Variants in SYPL2 observed in about 807,000 individuals in gnomAD.
The protein encoded by SYPL2 is synaptophysin like 2, also known as synaptophysin-like protein 2.
A neutral mutation model predicts 31.3 loss-of-function variants in SYPL2; 24 were observed. That is an observed-to-expected ratio of 0.77 (90% CI 0.56 to 1.08). SYPL2 has a LOEUF of 1.08. SYPL2 is among the 50% of genes least tolerant of loss of function. The probability of loss-of-function intolerance (pLI) is 0.00; values close to 1 mark genes in which losing one functional copy is unlikely to be tolerated. For synonymous variants in SYPL2, 144 were observed against 143.1 expected (o/e 1.01, Z -0.05); for missense variants, 342 against 360.1 (o/e 0.95, Z 0.41).
chr1:109,467,974 C>T (rs1655707074), intron 2 of SYPL2, among the ~76,000 whole-genome samples: 1 of 152,164 alleles, frequency 6.6e-6, no homozygotes, highest in Non-Finnish European at 1.5e-5. Flanking sequence ...CAGAATATGG[C>T]CCTAGGTTAG....
In SYPL2 at chr1:109,478,351, G is replaced by A. The variant is rs1474995552; in HGVS notation, c.648+342G>A. On this transcript the variant is annotated intron_variant, in intron 5 of 5. Coordinates refer to ENST00000369872, the MANE Select transcript of SYPL2 (RefSeq NM_001040709.2). This position sits in a 1 kb window ranked among gnomAD's most constrained non-coding sequence, Gnocchi z 4.0. ...ACAATGTGTGTGAACACATAAAGGG[G>A]AGCCTGGGGCTGTGGCTGAGCTTGA... 6.6e-6 allele frequency among the ~76,000 whole-genome samples: 1 copy of A among 152,194 alleles called. No individual in the cohort carries two copies. The highest frequency in any genetic ancestry group is 1.5e-5 in the Non-Finnish European group (1 of 68,032).
intron 2 of SYPL2, among the ~76,000 whole-genome samples, chr1:109,469,500 T>A (rs866270516): frequency 4.7e-4 from 71 of 150,994 alleles, no homozygotes; most frequent in African/African-American, 1.3e-3. Flanking sequence ...AGTTTTTTTT[T>A]AAAAAAGAAA....
At chr1:109,476,219 G>GT (rs1385975995) in intron 3 of SYPL2, among the ~76,000 whole-genome samples, 1 of 152,172 alleles carries the variant, frequency 6.6e-6, no homozygotes, top group Non-Finnish European at 1.5e-5. Context: ...GGGAGCCCAG[G>GT]TGTTCAGGGG....
At chr1:109,472,644 T>C (rs1655870182) in intron 2 of SYPL2, among the ~76,000 whole-genome samples, 1 of 143,070 alleles carries the variant, frequency 7.0e-6, no homozygotes, top group Non-Finnish European at 1.5e-5. Context: ...GGGGGTCTTG[T>C]TCTGTTGCCC....
Position 109,466,767 on chromosome 1 carries a change from C to T in SYPL2, c.-77C>T. On this transcript the variant is annotated 5_prime_UTR_variant, in exon 1 of 6. Coordinates refer to ENST00000369872, the MANE Select transcript of SYPL2 (RefSeq NM_001040709.2). The stretch of plus-strand genomic sequence containing the variant: ...GCTCTGCCCCGGACCTGCAGCTCCC[C>T]GCTCCCCCGCCGTGTCCGCCGCCTC... The T allele has an allele frequency of 4.2e-6, 6 of 1,419,282 alleles. No homozygotes were observed. Among genetic ancestry groups the T allele is most frequent in the African/African-American group, 1.5e-5 (1 of 66,470 alleles). The allele number at this position is 1,419,282 out of a possible 1,614,324, so 87.9% of individuals were successfully genotyped here.
rs781369121 is a variant in SYPL2, at chr1:109,476,796, A to T, written c.275A>T (p.Glu92Val). 1 of 1,614,120 alleles carries T rather than the reference A, an allele frequency of 6.2e-7. No individual in the cohort carries two copies. Among genetic ancestry groups the T allele is most frequent in the South Asian group, 1.1e-5 (1 of 91,068 alleles). The change falls in exon 4 of 6, where the codon GAG (glutamate) becomes GTG (valine). Residue 92 changes from glutamate (E) to valine (V), a missense_variant. Transcript: ENST00000369872. ...TGCAGGTTGCACCGGATCCAATATG[A>T]GATGCCCCTCTGCGATGAAGAGTCC... ...YPFRLHRIQYEMPLCDEESSS... is the reference protein window; with the variant it reads ...YPFRLHRIQYVMPLCDEESSS...
At chr1:109,470,628 C>A (rs1194704817) in intron 2 of SYPL2, among the ~76,000 whole-genome samples, 1 of 152,302 alleles carries the variant, frequency 6.6e-6, no homozygotes, top group African/African-American at 2.4e-5. Context: ...TCTTTATAAC[C>A]AGTTTGCTCA....
intron 2 of SYPL2, chr1:109,475,275 C>T (rs1262161955): frequency 4.1e-6 from 1 of 241,594 alleles, no homozygotes; most frequent in South Asian, 1.3e-4. Context: ...CTTAAGGAGG[C>T]TACCTGTGGT....
Position 109,475,568 on chromosome 1 carries a change from C to T in SYPL2, c.130-13C>T, listed in dbSNP as rs772225862. 6.2e-7 allele frequency: 1 copy of T among 1,612,600 alleles called. No homozygotes were observed. The highest frequency in any genetic ancestry group is 1.1e-5 in the South Asian group (1 of 91,008). On this transcript the variant is annotated splice_polypyrimidine_tract_variant and intron_variant, in intron 2 of 5. Transcript: ENST00000369872. Reference sequence around the variant, plus strand: ...GGCCTTCTGACTCTCAAAGAGGCTTCACTCTCTCTCAGCTCTTTGCTATTT... The same window carrying T: ...GGCCTTCTGACTCTCAAAGAGGCTTTACTCTCTCTCAGCTCTTTGCTATTT...
At chr1:109,477,251 C>T (rs577863594) in intron 4 of SYPL2, among the ~76,000 whole-genome samples, 2 of 152,232 alleles carry the variant, frequency 1.3e-5, no homozygotes, top group South Asian at 2.1e-4. Context: ...CTCTCTAAAT[C>T]GCAGTTTCCT....
rs1320824457 is a variant in SYPL2, at chr1:109,480,872, T to C, written c.*1324T>C. 1.3e-5 allele frequency: 2 copies of C among 152,668 alleles called. No homozygotes were observed. Among genetic ancestry groups the C allele is most frequent in the Non-Finnish European group, 2.9e-5 (2 of 68,076 alleles). The allele number at this position is 152,668 out of a possible 1,614,324, so 9.5% of individuals were successfully genotyped here. On this transcript the variant is annotated 3_prime_UTR_variant, in exon 6 of 6. Coordinates refer to ENST00000369872, the MANE Select transcript of SYPL2 (RefSeq NM_001040709.2). ...TTCCTGATACCTCCTTCAGTCCCTCTCTGGGCCCCAAGGCTGAGAATCAGT... is the reference window on the plus strand; with the variant it reads ...TTCCTGATACCTCCTTCAGTCCCTCCCTGGGCCCCAAGGCTGAGAATCAGT...
At chr1:109,474,361 C>T (rs1200879232) in intron 2 of SYPL2, among the ~76,000 whole-genome samples, 2 of 131,158 alleles carry the variant, frequency 1.5e-5, no homozygotes, top group African/African-American at 6.1e-5. Context: ...GGGAGAGGGA[C>T]AAGGTCTCAT....
chr1:109,476,399 C>G (rs1017454033), intron 3 of SYPL2, among the ~76,000 whole-genome samples: 1 of 152,238 alleles, frequency 6.6e-6, no homozygotes, highest in Non-Finnish European at 1.5e-5. Context: ...CTTGGCCACT[C>G]TGGGCCTGCA....
At chr1:109,475,458 A>C (rs1655965361) in intron 2 of SYPL2, 123 bp from the exon 3 acceptor site, 14 of 1,336,526 alleles carry the variant, frequency 1.0e-5, no homozygotes, top group Non-Finnish European at 1.3e-5. Flanking sequence ...ACTTGATTAA[A>C]GGGGATCCTC....
At chr1:109,473,767 C>T (rs910889955) in intron 2 of SYPL2, among the ~76,000 whole-genome samples, 7 of 151,872 alleles carry the variant, frequency 4.6e-5, no homozygotes, top group African/African-American at 9.7e-5. Flanking sequence ...TGGTGGTGGG[C>T]GCCTATAGTC....
In SYPL2 at chr1:109,480,569, C is replaced by T. The variant is rs955318048; in HGVS notation, c.*1021C>T. 2 of 152,442 alleles carry T rather than the reference C, an allele frequency of 1.3e-5. No homozygotes were observed. The highest frequency in any genetic ancestry group is 1.9e-4 in the East Asian group (1 of 5,200). The allele number at this position is 152,442 out of a possible 1,614,324, so 9.4% of individuals were successfully genotyped here. ...GGCTTAGGAAGGGCCAAAGGACCAT[C>T]ATGAGGCTAAGTTGCCCCAGAGCCC... On this transcript the variant is annotated 3_prime_UTR_variant, in exon 6 of 6. Transcript: ENST00000369872.
intron 2 of SYPL2, among the ~76,000 whole-genome samples, chr1:109,470,723 G>A (rs767805504): frequency 6.6e-6 from 1 of 152,132 alleles, no homozygotes; most frequent in African/African-American, 2.4e-5. Flanking sequence ...CAAAGTTAGG[G>A]AAGAAAGCAA....
In SYPL2 at chr1:109,478,103, A is replaced by C; in HGVS notation, c.648+94A>C. ...CCTGAAAGGAAAGAGAGGGTGTCCC[A>C]GAGCTGGTGTCCCCTGCACCTGGAG... On this transcript the variant is annotated intron_variant, in intron 5 of 5. Coordinates refer to ENST00000369872, the MANE Select transcript of SYPL2 (RefSeq NM_001040709.2). The surrounding 1 kb of genome is among the most constrained non-coding windows in gnomAD (Gnocchi z 4.0). The C allele has an allele frequency of 6.6e-7, 1 of 1,521,968 alleles. No individual in the cohort carries two copies. The highest frequency in any genetic ancestry group is 8.8e-7 in the Non-Finnish European group (1 of 1,135,310). The allele number at this position is 1,521,968 out of a possible 1,614,324, so 94.3% of individuals were successfully genotyped here. A position where few individuals can be genotyped will look rare whatever the true frequency, so the allele number is the denominator to read the frequency against.
intron 2 of SYPL2, among the ~76,000 whole-genome samples, chr1:109,467,763 G>A (rs1655702720): frequency 6.6e-6 from 1 of 152,174 alleles, no homozygotes; most frequent in Non-Finnish European, 1.5e-5. Flanking sequence ...TAAAAATCAC[G>A]GCATGGCTAA....
Sources: gnomAD v4.1 joint callset for allele counts (sites outside exome capture counted in the v4.1 genomes callset) on GRCh38, gnomAD v4.1.1 for gene constraint, Gnocchi (gnomAD v3.1) non-coding constraint, MANE v1.5 for transcripts, NCBI Gene and HGNC (gene_info 2026-07-23, HGNC 2026-07-21) for gene names.